Variants in SLC47A2 observed in about 807,000 individuals in gnomAD.
SLC47A2 encodes the protein solute carrier family 47 member 2.
A neutral mutation model predicts 67.7 loss-of-function variants in SLC47A2; 52 were observed. That is an observed-to-expected ratio of 0.77 (90% CI 0.61 to 0.97). The LOEUF is 0.97. SLC47A2 is among the 50% of genes least tolerant of loss of function. The pLI, the probability that SLC47A2 is intolerant of heterozygous loss-of-function variation, is 0.00. For synonymous variants in SLC47A2, 278 were observed against 292.9 expected, an observed-to-expected ratio of 0.95 and a Z score of 0.52; for missense variants, 676 against 712.3, an observed-to-expected ratio of 0.95 and a Z score of 0.58.
At chr17:19,701,485 T>C (rs2085786181) in intron 13 of SLC47A2, among the ~76,000 whole-genome samples, 1 of 152,166 alleles carries the variant, frequency 6.6e-6, no homozygotes, top group Non-Finnish European at 1.5e-5. Context: ...AAGTGTTTTT[T>C]CCCCAGGTAG....
chr17:19,705,795 C>T (rs568894462), intron 9 of SLC47A2, among the ~76,000 whole-genome samples: 4 of 152,254 alleles, frequency 2.6e-5, no homozygotes, highest in African/African-American at 7.2e-5. Context: ...AACAGAGTTT[C>T]GCCATGTTGG....
chr17:19,711,664 A>G (rs184027323), intron 5 of SLC47A2, among the ~76,000 whole-genome samples: 8 of 151,650 alleles, frequency 5.3e-5, no homozygotes, highest in Non-Finnish European at 1.2e-4. Flanking sequence ...ATTGGAAGAA[A>G]TCTTTTAATA....
At position 19,678,682 on chromosome 17, in the gene SLC47A2, T is replaced by G; in HGVS notation, c.*4A>C. The G allele has an allele frequency of 6.2e-7, 1 of 1,611,488 alleles. No homozygotes were observed. Among genetic ancestry groups the G allele is most frequent in the Non-Finnish European group, 8.5e-7 (1 of 1,179,180 alleles). On this transcript the variant is annotated 3_prime_UTR_variant, in exon 17 of 17. Coordinates refer to ENST00000433844, the MANE Select transcript of SLC47A2 (RefSeq NM_001099646.3). Reference sequence around the variant, plus strand: ...TCCTGGCTTTCTATTTCCAAGCTTCTTTGCTAGTGCCTGGTGGCTAGGATC... The same window carrying G: ...TCCTGGCTTTCTATTTCCAAGCTTCGTTGCTAGTGCCTGGTGGCTAGGATC...
At chr17:19,687,660 G>A (rs2085456958) in intron 13 of SLC47A2, among the ~76,000 whole-genome samples, 1 of 152,072 alleles carries the variant, frequency 6.6e-6, no homozygotes, top group Non-Finnish European at 1.5e-5. Flanking sequence ...AGTGAAAAAG[G>A]AGACATAACT....
At position 19,708,429 on chromosome 17, in the gene SLC47A2, G is replaced by T. The variant is rs376212945; in HGVS notation, c.532-30C>A. The T allele has an allele frequency of 1.2e-5, 20 of 1,614,064 alleles. No individual in the cohort carries two copies. In the African/African-American group the frequency reaches 2.5e-4, roughly 20 times the overall value. ...AATAAATGAAAACTGGCCCTGCTAA[G>T]GTGTGAGTGAGATGGATGGAGGATG... On this transcript the variant is annotated intron_variant, in intron 6 of 16. Transcript: ENST00000433844.
rs1567614207 is a variant in SLC47A2, at chr17:19,681,589, C to CGAT, written c.1243_1245dup (p.Ile415dup). The CGAT allele has an allele frequency of 6.2e-7, 1 of 1,614,112 alleles. No individual in the cohort carries two copies. On this transcript the variant is annotated inframe_insertion, in exon 14 of 17. Coordinates refer to ENST00000433844, the MANE Select transcript of SLC47A2 (RefSeq NM_001099646.3). ...GTCAGAAGGATGCCCAGTGGTAGGC[C>CGAT]GATGATGTAATATGTGATGGCATTC...
intron 8 of SLC47A2, among the ~76,000 whole-genome samples, chr17:19,707,434 C>T (rs1445137835): frequency 6.6e-6 from 1 of 152,208 alleles, no homozygotes; most frequent in Non-Finnish European, 1.5e-5. Flanking sequence ...ACCCCACGCA[C>T]TGCTGACGCC....
At position 19,704,075 on chromosome 17, in the gene SLC47A2, C is replaced by A; in HGVS notation, c.1013G>T (p.Ser338Ile). The A allele has an allele frequency of 6.2e-7, 1 of 1,607,194 alleles. No individual in the cohort carries two copies. Among genetic ancestry groups the A allele is most frequent in the Non-Finnish European group, 8.5e-7 (1 of 1,178,514 alleles). Residue 338 changes from serine to isoleucine, a missense_variant, in exon 11 of 17, where the codon AGC (serine) becomes ATC (isoleucine). Ser to Ile is a moderately radical substitution (Grantham distance 142). Coordinates refer to ENST00000433844, the MANE Select transcript of SLC47A2 (RefSeq NM_001099646.3). ...AKRSAVSGVL[S>I]IVGISLVLGT... ...CAGGAGAGGACTCCACCTACCTATGCTGAGCACGCCCGAGACGGCCGAGCG... is the reference window on the plus strand; with the variant it reads ...CAGGAGAGGACTCCACCTACCTATGATGAGCACGCCCGAGACGGCCGAGCG...
At chr17:19,680,116 T>C (rs2085281808) in intron 15 of SLC47A2, 77 bp from the exon 16 acceptor site, 1 of 1,414,782 alleles carries the variant, frequency 7.1e-7, no homozygotes, top group East Asian at 2.3e-5. Context: ...TCGCATTCTC[T>C]GTTTTTAAAA....
intron 16 of SLC47A2, among the ~76,000 whole-genome samples, chr17:19,679,369 CTGGCACT>C (rs2085262647): frequency 1.3e-5 from 2 of 152,236 alleles, no homozygotes; most frequent in African/African-American, 4.8e-5. Context: ...GCACACACGC[CTGGCACT>C]CAGGACCAGC....
At chr17:19,702,158 T>C in intron 13 of SLC47A2, 1 of 985,140 alleles carries the variant, frequency 1.0e-6, no homozygotes, top group South Asian at 4.7e-5. Context: ...ATGACACCTG[T>C]CCTTTAGTGA....
rs772105379 is a variant in SLC47A2, at chr17:19,704,083, G to C, written c.1005C>G (p.Gly335=). ...TVQAKRSAVS[G]VLSIVGISLV... is the part of the protein sequence containing the mutation. ...GACTCCACCTACCTATGCTGAGCAC[G>C]CCCGAGACGGCCGAGCGCTTGGCCT... The change falls in exon 11 of 17, where the codon GGC becomes GGG. Residue 335 remains glycine, a synonymous_variant. Coordinates refer to ENST00000433844, the MANE Select transcript of SLC47A2 (RefSeq NM_001099646.3). 3 of 1,608,646 alleles carry C rather than the reference G, an allele frequency of 1.9e-6. No homozygotes were observed. The highest frequency in any genetic ancestry group is 2.5e-6 in the Non-Finnish European group (3 of 1,179,128).
Position 19,708,712 on chromosome 17 carries a change from G to C in SLC47A2, c.531+4C>G, listed in dbSNP as rs2086015502. On this transcript the variant is annotated splice_donor_region_variant and intron_variant, in intron 6 of 16. Coordinates refer to ENST00000433844, the MANE Select transcript of SLC47A2 (RefSeq NM_001099646.3). ...GGGCCTCCCCACACACCAAAGACCTGTACCTGATTTTGCAAATATTTTGCC... is the reference window on the plus strand; with the variant it reads ...GGGCCTCCCCACACACCAAAGACCTCTACCTGATTTTGCAAATATTTTGCC... The C allele has an allele frequency of 3.7e-6, 6 of 1,613,964 alleles. No individual in the cohort carries two copies. Among genetic ancestry groups the C allele is most frequent in the Non-Finnish European group, 4.2e-6 (5 of 1,180,038 alleles).
chr17:19,689,114 C>G (rs1192008232), intron 13 of SLC47A2, among the ~76,000 whole-genome samples: 1 of 151,738 alleles, frequency 6.6e-6, no homozygotes, highest in Non-Finnish European at 1.5e-5. Flanking sequence ...ACTGTGTTGC[C>G]CAGGCTGGTC....
At chr17:19,696,210 T>C (rs2085658824) in intron 13 of SLC47A2, among the ~76,000 whole-genome samples, 1 of 148,790 alleles carries the variant, frequency 6.7e-6, no homozygotes, top group African/African-American at 2.5e-5. Context: ...CCCAGCACTT[T>C]GGGAGGCCGA....
chr17:19,698,548 G>A (rs192710833), intron 13 of SLC47A2, among the ~76,000 whole-genome samples: 3 of 152,076 alleles, frequency 2.0e-5, no homozygotes, highest in South Asian at 4.2e-4. Context: ...GACAGGTTTC[G>A]CCATGTTGGC....
chr17:19,708,204 C>T, intron 7 of SLC47A2, 98 bp downstream of exon 7: 2 of 1,393,286 alleles, frequency 1.4e-6, no homozygotes, highest in Non-Finnish European at 9.9e-7. Flanking sequence ...CAGGACGGCA[C>T]AGGCAGGGCC....
upstream of SLC47A2, chr17:19,717,840 TCA>T (rs2152368803): frequency 6.6e-6 from 1 of 152,390 alleles, no homozygotes; most frequent in African/African-American, 2.4e-5. Context: ...CCTCCCAGGA[TCA>T]CCTGGGAGGT....
chr17:19,714,812 A>G (rs1186078108), intron 2 of SLC47A2, 23 bp from the exon 3 acceptor site: 2 of 1,613,908 alleles, frequency 1.2e-6, no homozygotes, highest in African/African-American at 2.7e-5. Context: ...ACAGGAGGAA[A>G]CAAGAGCTTG....
Sources: gnomAD v4.1 joint callset for allele counts (sites outside exome capture counted in the v4.1 genomes callset) on GRCh38, gnomAD v4.1.1 for gene constraint, MANE v1.5 for transcripts, NCBI Gene and HGNC (gene_info 2026-07-23, HGNC 2026-07-21) for gene names.